The following GOLM1 variants were observed in gnomAD, a reference collection of about 807,000 sequenced individuals.
GOLM1 encodes the protein epididymis luminal protein 46.
Under a neutral mutation model 50.5 loss-of-function variants are expected in GOLM1, and 31 were observed. That is an observed-to-expected ratio of 0.61 (90% CI 0.46 to 0.83). GOLM1 has a LOEUF of 0.83. Ranked by LOEUF, GOLM1 falls within the 40% of genes least tolerant of loss-of-function variation. The probability of loss-of-function intolerance (pLI) is 0.00; values close to 1 mark genes in which losing one functional copy is unlikely to be tolerated. For synonymous variants in GOLM1, 178 were observed against 192.8 expected (o/e 0.92, Z 0.64); for missense variants, 491 against 501.3 (o/e 0.98, Z 0.20).
At chr9:86,086,241 CAT>C (rs1219968174) in intron 1 of GOLM1, among the ~76,000 whole-genome samples, 3 of 152,164 alleles carry the variant, frequency 2.0e-5, no homozygotes, top group Non-Finnish European at 2.9e-5. Flanking sequence ...ATCTTTTGTT[CAT>C]ATGTTTGTTG....
At chr9:86,060,595 A>G (rs1459725731) in intron 3 of GOLM1, among the ~76,000 whole-genome samples, 1 of 152,072 alleles carries the variant, frequency 6.6e-6, no homozygotes, top group Non-Finnish European at 1.5e-5. Context: ...GTTACATAAC[A>G]CACAGGCCGG....
intron 4 of GOLM1, among the ~76,000 whole-genome samples, chr9:86,051,295 A>C (rs1275786866): frequency 6.6e-6 from 1 of 151,732 alleles, no homozygotes; most frequent in Admixed American, 6.6e-5. Flanking sequence ...TATGTGGTCA[A>C]TTTTGGAATA....
chr9:86,078,627 A>G (rs1834692094), intron 2 of GOLM1, among the ~76,000 whole-genome samples: 1 of 152,214 alleles, frequency 6.6e-6, no homozygotes, highest in Admixed American at 6.5e-5. Flanking sequence ...GGCCTAGTCA[A>G]GAAGACGGCT....
At chr9:86,061,247 T>G (rs1320150872) in intron 3 of GOLM1, among the ~76,000 whole-genome samples, 1 of 152,292 alleles carries the variant, frequency 6.6e-6, no homozygotes, top group East Asian at 1.9e-4. Flanking sequence ...TTTAAAAATC[T>G]TAACTTCAAG....
At chr9:86,036,275 A>C in intron 7 of GOLM1, 73 bp downstream of exon 7, 2 of 1,479,670 alleles carry the variant, frequency 1.4e-6, no homozygotes, top group Non-Finnish European at 1.9e-6. Flanking sequence ...CTGCCTCAGC[A>C]GCTCGCTGGG....
chr9:86,030,924 A>G (rs1832956711), intron 9 of GOLM1, among the ~76,000 whole-genome samples: 2 of 152,224 alleles, frequency 1.3e-5, no homozygotes, highest in Admixed American at 1.3e-4. Context: ...GTAATAAAAG[A>G]AGGTATTGTT....
intron 3 of GOLM1, among the ~76,000 whole-genome samples, chr9:86,060,414 CAACAAG>C: frequency 6.6e-6 from 1 of 152,076 alleles, no homozygotes; most frequent in Non-Finnish European, 1.5e-5. Context: ...CACACACAAA[CAACAAG>C]ACAAGCAGTG....
chr9:86,035,005 T>A (rs1833089466), intron 8 of GOLM1: 1 of 985,138 alleles, frequency 1.0e-6, no homozygotes, highest in Non-Finnish European at 1.2e-6. Flanking sequence ...GCACTGATTG[T>A]CTAAATGGCA....
chr9:86,081,824 G>A (rs1439491871), intron 1 of GOLM1, among the ~76,000 whole-genome samples: 1 of 151,238 alleles, frequency 6.6e-6, no homozygotes, highest in South Asian at 2.1e-4. Flanking sequence ...ATGAGGCGGA[G>A]CTTGCAGTGA....
At chr9:86,055,140 C>T (rs1028633058) in intron 3 of GOLM1, among the ~76,000 whole-genome samples, 16 of 152,132 alleles carry the variant, frequency 1.1e-4, no homozygotes, top group African/African-American at 3.4e-4. Flanking sequence ...CAAATGAAAT[C>T]GCATCAAACA....
chr9:86,088,435 T>TGC (rs1835055033), intron 1 of GOLM1, among the ~76,000 whole-genome samples: 2 of 117,598 alleles, frequency 1.7e-5, no homozygotes, highest in African/African-American at 6.9e-5. Flanking sequence ...TATATATATA[T>TGC]ATATATATAT....
intron 3 of GOLM1, among the ~76,000 whole-genome samples, chr9:86,069,093 T>C (rs1834382410): frequency 6.6e-6 from 1 of 151,714 alleles, no homozygotes; most frequent in African/African-American, 2.4e-5. Context: ...GTATTATAAG[T>C]ATATTATTAA....
intron 3 of GOLM1, among the ~76,000 whole-genome samples, chr9:86,052,820 C>T (rs1014335269): frequency 9.0e-6 from 1 of 111,490 alleles, no homozygotes; most frequent in South Asian, 2.6e-4. Flanking sequence ...CAAAAGCCAA[C>T]GGGTCCAGAC....
chr9:86,065,274 T>G (rs748666610), intron 3 of GOLM1, among the ~76,000 whole-genome samples: 6 of 152,126 alleles, frequency 3.9e-5, no homozygotes, highest in Non-Finnish European at 8.8e-5. Flanking sequence ...AAATGTGCAA[T>G]GAACACAGCC....
At chr9:86,033,562 A>G (rs1833047053) in intron 8 of GOLM1, among the ~76,000 whole-genome samples, 167 bp from the exon 9 acceptor site, 2 of 152,220 alleles carry the variant, frequency 1.3e-5, no homozygotes, top group Admixed American at 1.3e-4. Context: ...GGACAAGCAC[A>G]TGCATTATGT....
chr9:86,026,343 A>G lies in GOLM1; in HGVS notation c.*1474T>C. The G allele has an allele frequency of 2.0e-6, 2 of 985,232 alleles. No individual in the cohort carries two copies. Among genetic ancestry groups the G allele is most frequent in the Non-Finnish European group, 1.2e-6 (1 of 829,784 alleles). 61.0% of individuals were successfully genotyped at this position (985,232 alleles called of 1,614,324 possible). ...CTAAGTTGCCTTTTCTGGGTGGGAAAGTTTAACCTTAGTGACTAAGGACAT... is the reference window on the plus strand; with the variant it reads ...CTAAGTTGCCTTTTCTGGGTGGGAAGGTTTAACCTTAGTGACTAAGGACAT... On this transcript the variant is annotated 3_prime_UTR_variant, in exon 10 of 10. Transcript: ENST00000388712.
At position 86,077,406 on chromosome 9, in the gene GOLM1, C is replaced by CA. The variant is rs1422331951; in HGVS notation, c.309+5_309+6insT. The CA allele has an allele frequency of 1.1e-5, 17 of 1,611,580 alleles. No homozygotes were observed. The highest frequency in any genetic ancestry group is 1.4e-5 in the Non-Finnish European group (17 of 1,177,778). ...AAGAACTGAGAGGAAACAAAGCAGG[C>CA]CTTGCCTTTTCGTCCTGGTACAGCT... On this transcript the variant is annotated splice_donor_region_variant and intron_variant, in intron 3 of 9. Coordinates refer to ENST00000388712, the MANE Select transcript of GOLM1 (RefSeq NM_016548.4).
At chr9:86,073,530 G>C (rs571435050) in intron 3 of GOLM1, among the ~76,000 whole-genome samples, 10 of 152,212 alleles carry the variant, frequency 6.6e-5, no homozygotes, top group Admixed American at 2.0e-4. Flanking sequence ...TTACTTTCAG[G>C]GGGGTGCACA....
Position 86,040,743 on chromosome 9 carries a change from T to C in GOLM1, c.593A>G (p.Gln198Arg), listed in dbSNP as rs1431932983. 5 of 1,610,722 alleles carry C rather than the reference T, an allele frequency of 3.1e-6. No homozygotes were observed. The highest frequency in any genetic ancestry group is 4.2e-6 in the Non-Finnish European group (5 of 1,179,244). ...RDLSENNDQR[Q>R]QLQALSEPQP... ...TGGCAAAAATTCCCCAGTTACCTGC[T>C]GTCTCTGGTCGTTGTTTTCACTCAG... is the stretch of plus-strand genomic sequence containing the variant. The change falls in exon 6 of 10, where the codon CAG becomes CGG. Residue 198 changes from glutamine (Q) to arginine (R), a missense_variant. Gln to Arg is a conservative substitution (Grantham distance 43, BLOSUM62 1). Coordinates refer to ENST00000388712, the MANE Select transcript of GOLM1 (RefSeq NM_016548.4).
Sources: allele counts gnomAD v4.1 joint callset (sites outside exome capture counted in the v4.1 genomes callset), GRCh38; gene constraint gnomAD v4.1.1; transcripts MANE v1.5; gene names NCBI Gene and HGNC (gene_info 2026-07-23, HGNC 2026-07-21).